Variants in BEST1 observed in about 807,000 individuals in gnomAD.
BEST1 encodes the protein bestrophin-1.
Under a neutral mutation model 63.3 loss-of-function variants are expected in BEST1, and 58 were observed. The observed-to-expected ratio is 0.92, with a 90% confidence interval of 0.74 to 1.14. The LOEUF (loss-of-function observed/expected upper bound fraction) is 1.14, where lower values mean the gene tolerates loss of function less well. BEST1 is among the 50% of genes most tolerant of loss of function. The probability of loss-of-function intolerance (pLI) is 0.00; values close to 1 mark genes in which losing one functional copy is unlikely to be tolerated. For missense variants in BEST1, 671 were observed against 740.1 expected (o/e 0.91, Z 1.08); for synonymous variants, 283 against 291.6 (o/e 0.97, Z 0.30).
chr11:61,953,437 GC>G (rs1360894961), intron 2 of BEST1, among the ~76,000 whole-genome samples: 1 of 152,042 alleles, frequency 6.6e-6, no homozygotes, highest in Non-Finnish European at 1.5e-5. Context: ...AATTGGCTAG[GC>G]CCTTTGGCTT....
chr11:61,955,964 G>A lies in BEST1; in HGVS notation c.481+13G>A, dbSNP rs1223211286. On this transcript the variant is annotated intron_variant, in intron 4 of 10. Transcript: ENST00000378043. ...CTGGTGCAAGCAGGTGGGCGGACCG[G>A]GAGCAACGGGGAGGCACCGGGCAGA... 2 of 1,542,780 alleles carry A rather than the reference G, an allele frequency of 1.3e-6. No individual in the cohort carries two copies. Among genetic ancestry groups the A allele is most frequent in the African/African-American group, 1.4e-5 (1 of 72,904 alleles).
chr11:61,958,873 G>A, intron 7 of BEST1: 1 of 192,734 alleles, frequency 5.2e-6, no homozygotes. Flanking sequence ...CTGTCACTGT[G>A]ACACACACAC....
downstream of BEST1, chr11:61,965,324 A>G: frequency 1.2e-6 from 2 of 1,611,308 alleles, no homozygotes; most frequent in Admixed American, 1.7e-5. Flanking sequence ...ATACCCGAAC[A>G]CTGCCAGATG....
chr11:61,962,993 C>G, intron 10 of BEST1, 100 bp downstream of exon 10: 1 of 1,603,466 alleles, frequency 6.2e-7, no homozygotes, highest in South Asian at 1.1e-5. Flanking sequence ...TCCTAGGGTT[C>G]CATCACTGCC....
At chr11:61,964,699 C>T (rs767733527), downstream of BEST1, 15 of 1,597,418 alleles carry the variant, frequency 9.4e-6, no homozygotes, top group Non-Finnish European at 1.3e-5. Flanking sequence ...GAAGTCACCC[C>T]ACGGCTATGG....
intron 6 of BEST1, 64 bp from the exon 7 acceptor site, chr11:61,958,082 G>A (rs942678296): frequency 1.2e-6 from 2 of 1,610,448 alleles, no homozygotes; most frequent in African/African-American, 1.3e-5. Context: ...CCCAGCCCCT[G>A]GAGCATCCTG....
At position 61,951,750 on chromosome 11, in the gene BEST1, A is replaced by G. The variant is rs536791019; in HGVS notation, c.-36-21A>G. The G allele has an allele frequency of 7.0e-5, 113 of 1,604,062 alleles. 2 individuals are homozygous for G. The South Asian group carries it at 1.2e-3, about 17-fold the overall frequency. ...GGCCTCTGATCCCTACAAACCCCCA[A>G]TCGGTGTCCCTCTCTACCAGGACCC... is the stretch of plus-strand genomic sequence containing the variant. On this transcript the variant is annotated intron_variant, in intron 1 of 10. Coordinates refer to ENST00000378043, the MANE Select transcript of BEST1 (RefSeq NM_004183.4).
chr11:61,956,972 C>T lies in BEST1; in HGVS notation c.610C>T (p.Pro204Ser). 6.2e-7 allele frequency: 1 copy of T among 1,614,096 alleles called. No individual in the cohort carries two copies. Among genetic ancestry groups the T allele is most frequent in the Non-Finnish European group, 8.5e-7 (1 of 1,180,026 alleles). The change falls in exon 5 of 11, where the codon CCT becomes TCT. Residue 204 changes from proline to serine, a missense_variant. Physicochemically the swap from Pro to Ser is moderately conservative, Grantham distance 74. Coordinates refer to ENST00000378043, the MANE Select transcript of BEST1 (RefSeq NM_004183.4). ...GTGGCTTGGAGGTCGAATCCGGGAC[C>T]CTATCCTGCTCCAGAGCCTGCTGAA... ...KAWLGGRIRDPILLQSLLNEM... is the reference protein window; with the variant it reads ...KAWLGGRIRDSILLQSLLNEM...
At chr11:61,964,979 A>G (rs1011681006), downstream of BEST1, 27 of 1,613,974 alleles carry the variant, frequency 1.7e-5, 1 homozygote, top group South Asian at 5.5e-5. Context: ...TGGGGTTCCA[A>G]TACTCACATG....
chr11:61,955,296 G>C (rs1393369169), intron 3 of BEST1, 95 bp downstream of exon 3: 1 of 1,590,652 alleles, frequency 6.3e-7, no homozygotes, highest in East Asian at 2.3e-5. Context: ...CAAGGGGCTG[G>C]GGAGGGGGCG....
chr11:61,955,953 T>G lies in BEST1; in HGVS notation c.481+2T>G. 6.5e-7 allele frequency: 1 copy of G among 1,545,272 alleles called. No homozygotes were observed. The highest frequency in any genetic ancestry group is 8.7e-7 in the Non-Finnish European group (1 of 1,143,814). ...GCGCCCAGCACCTGGTGCAAGCAGG[T>G]GGGCGGACCGGGAGCAACGGGGAGG... On this transcript the variant is annotated splice_donor_variant, in intron 4 of 10. Transcript: ENST00000378043. LOFTEE classifies it high-confidence loss of function.
Position 61,958,261 on chromosome 11 carries a change from C to T in BEST1, c.830C>T (p.Thr277Met), listed in dbSNP as rs775791299. Residue 277 changes from threonine to methionine, a missense_variant, in exon 7 of 11, where the codon ACG becomes ATG. Transcript: ENST00000378043. ...CTGGACCTCGTTGTGCCCGTCTTCA[C>T]GTTCCTGCAGTTCTTCTTCTATGTT... ...HELDLVVPVF[T>M]FLQFFFYVGW... 13 of 1,614,126 alleles carry T rather than the reference C, an allele frequency of 8.1e-6. No homozygotes were observed. Among genetic ancestry groups the T allele is most frequent in the African/African-American group, 4.0e-5 (3 of 74,950 alleles).
At position 61,960,009 on chromosome 11, in the gene BEST1, C is replaced by T. The variant is rs1295669283; in HGVS notation, c.1066C>T (p.Arg356Ter). Reference sequence around the variant, plus strand: ...CACAGCTGCTTCCGCCCAGTTCCGTCGAGCCTCCTTTATGGGCTCCACCTT... The same window carrying T: ...CACAGCTGCTTCCGCCCAGTTCCGTTGAGCCTCCTTTATGGGCTCCACCTT... ...PYTAASAQFR[R>*]ASFMGSTFNI... Residue 356 changes from arginine (R) to a stop codon, truncating the protein, a stop_gained, in exon 9 of 11, where the codon CGA (arginine) becomes TGA (stop). Transcript: ENST00000378043. LOFTEE classifies it high-confidence loss of function. 9.9e-6 allele frequency: 16 copies of T among 1,610,720 alleles called. No individual in the cohort carries two copies. The highest frequency in any genetic ancestry group is 1.3e-5 in the Non-Finnish European group (15 of 1,178,804).
downstream of BEST1, chr11:61,965,465 G>C (rs1942432171): frequency 6.2e-7 from 1 of 1,609,064 alleles, no homozygotes. Flanking sequence ...GGTGAAGAAA[G>C]TATTTGGCAA....
intron 10 of BEST1, 131 bp from the exon 11 acceptor site, chr11:61,963,973 A>G (rs1942342088): frequency 1.3e-6 from 2 of 1,513,046 alleles, no homozygotes; most frequent in South Asian, 2.4e-5. Context: ...AGCCTGGGCG[A>G]CGGAGTGAGA....
At chr11:61,959,178 A>C (rs911346966) in intron 7 of BEST1, 1 of 419,300 alleles carries the variant, frequency 2.4e-6, no homozygotes, top group African/African-American at 2.0e-5. Flanking sequence ...TCTCTGTTGC[A>C]TGAATGAATA....
intron 3 of BEST1, 101 bp downstream of exon 3, chr11:61,955,302 G>T: frequency 6.3e-7 from 1 of 1,585,564 alleles, no homozygotes; most frequent in Non-Finnish European, 8.6e-7. Flanking sequence ...GCTGGGGAGG[G>T]GGCGGGGGAA....
chr11:61,961,990 C>CA (rs1942111953), intron 9 of BEST1: 2 of 528,970 alleles, frequency 3.8e-6, no homozygotes, highest in South Asian at 2.1e-5. Flanking sequence ...GAGGCCTTTA[C>CA]ACGCCAGGCG....
rs1942211570 is a variant in BEST1 at position 61,962,790 on chromosome 11, G to GAGGTGATTTAT, written c.1638_1639insGTGATTTATAG (p.Ile547ValfsTer66). ...GGAGTTTAACCTGACGGATATGCCAGAGATCCCCGAAAATCACCTCAAAGA... is the reference window on the plus strand; with the variant it reads ...GGAGTTTAACCTGACGGATATGCCAGAGGTGATTTATAGATCCCCGAAAATCACCTCAAAGA... On this transcript the variant is annotated frameshift_variant, in exon 10 of 11. Coordinates refer to ENST00000378043, the MANE Select transcript of BEST1 (RefSeq NM_004183.4). LOFTEE classifies it high-confidence loss of function. 6.2e-7 allele frequency: 1 copy of GAGGTGATTTAT among 1,614,096 alleles called. No homozygotes were observed.
Sources: allele counts gnomAD v4.1 joint callset (sites outside exome capture counted in the v4.1 genomes callset), GRCh38; gene constraint gnomAD v4.1.1; transcripts MANE v1.5; gene names NCBI Gene and HGNC (gene_info 2026-07-23, HGNC 2026-07-21).